The following AHCYL2 variants were observed in gnomAD, a reference collection of about 807,000 sequenced individuals.
The protein encoded by AHCYL2 is S-adenosylhomocysteine hydrolase-like protein 2.
In AHCYL2, 28 loss-of-function variants were observed where a neutral mutation model predicts 81.4. The ratio of observed to expected loss-of-function variants is 0.34; its 90% CI spans 0.25 to 0.47. The LOEUF is 0.47. Among genes scored for constraint, AHCYL2 ranks in the 20% least tolerant of loss-of-function variants. AHCYL2 has a pLI of 1.00. For synonymous variants in AHCYL2, 272 were observed against 290.2 expected (o/e 0.94, Z 0.64); for missense variants, 551 against 785.1 (o/e 0.70, Z 3.56).
chr7:129,325,498 G>A (rs1006682043), intron 1 of AHCYL2, among the ~76,000 whole-genome samples: 1 of 151,920 alleles, frequency 6.6e-6, no homozygotes, highest in Non-Finnish European at 1.5e-5. Flanking sequence ...GATGTTCCTT[G>A]GTGTAGTTTT....
chr7:129,277,280 T>C (rs1008408570), intron 1 of AHCYL2, among the ~76,000 whole-genome samples: 10 of 147,106 alleles, frequency 6.8e-5, no homozygotes, highest in African/African-American at 2.5e-4. Flanking sequence ...GTCTCTCTCT[T>C]TTTTTTTTTT....
chr7:129,292,247 A>G (rs1796891855), intron 1 of AHCYL2, among the ~76,000 whole-genome samples: 1 of 152,210 alleles, frequency 6.6e-6, no homozygotes, highest in African/African-American at 2.4e-5. Context: ...AGTCCTAAAG[A>G]GGCAGCCATC....
chr7:129,238,571 G>C (rs1013440023), intron 1 of AHCYL2, among the ~76,000 whole-genome samples: 1 of 152,160 alleles, frequency 6.6e-6, no homozygotes, highest in African/African-American at 2.4e-5. Context: ...AGTGTAGTTT[G>C]ATATAAGCAA....
intron 1 of AHCYL2, among the ~76,000 whole-genome samples, chr7:129,297,376 A>G (rs1797088734): frequency 6.6e-6 from 1 of 152,200 alleles, no homozygotes; most frequent in South Asian, 2.1e-4. Flanking sequence ...GAAAAAGCAT[A>G]GGGTAGACAG....
chr7:129,392,355 G>A (rs952515647), intron 4 of AHCYL2, among the ~76,000 whole-genome samples: 3 of 152,184 alleles, frequency 2.0e-5, no homozygotes, highest in Admixed American at 6.5e-5. Context: ...AGATCAAGGC[G>A]CCAGCAGATT....
At chr7:129,302,717 A>G (rs1197336590) in intron 1 of AHCYL2, among the ~76,000 whole-genome samples, 1 of 152,102 alleles carries the variant, frequency 6.6e-6, no homozygotes, top group Non-Finnish European at 1.5e-5. Flanking sequence ...ATCTCACTTG[A>G]TCATGATGAA....
intron 1 of AHCYL2, among the ~76,000 whole-genome samples, chr7:129,321,604 T>G (rs560098303): frequency 1.2e-4 from 18 of 152,312 alleles, no homozygotes; most frequent in South Asian, 8.3e-4. Context: ...GTGAGAAACA[T>G]TAGTCTGTGG....
At chr7:129,351,005 C>T (rs1026395869) in intron 1 of AHCYL2, among the ~76,000 whole-genome samples, 16 of 151,986 alleles carry the variant, frequency 1.1e-4, no homozygotes, top group Admixed American at 3.3e-4. Flanking sequence ...CGCCCGGCCC[C>T]GGCCTAATTT....
chr7:129,369,215 T>TTTTAA (rs10689917), intron 1 of AHCYL2, among the ~76,000 whole-genome samples: 55,376 of 151,708 alleles, frequency 0.37, 10,700 homozygotes, highest in African/African-American at 0.51. Flanking sequence ...GAATTTCAAC[T>TTTTAA]TTTAAAGACA....
At chr7:129,411,231 G>A (rs1046710480) in intron 11 of AHCYL2, among the ~76,000 whole-genome samples, 6 of 151,966 alleles carry the variant, frequency 3.9e-5, no homozygotes, top group Admixed American at 2.6e-4. Flanking sequence ...TAATGTTCAC[G>A]CTTTTAAAGT....
intron 1 of AHCYL2, among the ~76,000 whole-genome samples, chr7:129,376,566 C>G (rs1248550475): frequency 6.6e-6 from 1 of 152,190 alleles, no homozygotes; most frequent in Non-Finnish European, 1.5e-5. Flanking sequence ...GAGAAGACAG[C>G]TCAGCTCAGA....
chr7:129,246,601 G>A (rs996500748), intron 1 of AHCYL2, among the ~76,000 whole-genome samples: 1 of 151,998 alleles, frequency 6.6e-6, no homozygotes, highest in Admixed American at 6.6e-5. Flanking sequence ...ACGCTCAATC[G>A]ATCTTCTCAT....
intron 2 of AHCYL2, among the ~76,000 whole-genome samples, chr7:129,382,957 C>T (rs1379802779): frequency 6.6e-6 from 1 of 152,060 alleles, no homozygotes; most frequent in Non-Finnish European, 1.5e-5. Flanking sequence ...TGGAAAGCCC[C>T]AAAGACTCAT....
chr7:129,359,888 A>G (rs1793872000), intron 1 of AHCYL2, among the ~76,000 whole-genome samples: 3 of 152,164 alleles, frequency 2.0e-5, no homozygotes, highest in Admixed American at 6.5e-5. Context: ...TAATCTTTGT[A>G]TTACTTAATT....
At chr7:129,289,789 CT>C (rs550826156) in intron 1 of AHCYL2, among the ~76,000 whole-genome samples, 51 of 145,656 alleles carry the variant, frequency 3.5e-4, no homozygotes, top group South Asian at 1.1e-3. Context: ...TTCTTTCTTT[CT>C]TTTTTTTTTT....
At chr7:129,340,409 T>C (rs1268784598) in intron 1 of AHCYL2, among the ~76,000 whole-genome samples, 1 of 150,496 alleles carries the variant, frequency 6.6e-6, no homozygotes, top group African/African-American at 2.4e-5. Context: ...CTACTAAAAA[T>C]ACAAAAAAAT....
At chr7:129,347,577 G>A (rs912074971) in intron 1 of AHCYL2, among the ~76,000 whole-genome samples, 2 of 152,160 alleles carry the variant, frequency 1.3e-5, no homozygotes, top group Admixed American at 6.6e-5. Flanking sequence ...TTCACTTGTG[G>A]CTTAGCTTAC....
intron 1 of AHCYL2, among the ~76,000 whole-genome samples, chr7:129,374,496 A>AAAAAAAAAC: frequency 6.6e-6 from 1 of 151,510 alleles, no homozygotes; most frequent in Non-Finnish European, 1.5e-5. Flanking sequence ...CTAAATAAAG[A>AAAAAAAAAC]TTATCCTTAA....
chr7:129,424,876 C>T lies in AHCYL2; in HGVS notation c.1563C>T (p.Gly521=). ...GTGTCTTCACCTTTGATCACTAGGG[C>T]CGCCTGCTGAACCTTAGCTGCTCCA... ...DGKRIVLLAE[G]RLLNLSCSTV... The change falls in exon 14 of 17, where the codon GGC becomes GGT. Residue 521 remains glycine (G), a splice_region_variant and synonymous_variant. Transcript: ENST00000325006. 6.2e-7 allele frequency: 1 copy of T among 1,612,758 alleles called. No homozygotes were observed. Among genetic ancestry groups the T allele is most frequent in the Non-Finnish European group, 8.5e-7 (1 of 1,179,978 alleles).
Sources: allele counts gnomAD v4.1 joint callset (sites outside exome capture counted in the v4.1 genomes callset), GRCh38; gene constraint gnomAD v4.1.1; transcripts MANE v1.5; gene names NCBI Gene and HGNC (gene_info 2026-07-23, HGNC 2026-07-21).